Variants in ADCY8 observed in about 807,000 individuals in gnomAD.
ADCY8 encodes the protein adenylate cyclase type 8.
A neutral mutation model predicts 119.7 loss-of-function variants in ADCY8; 51 were observed. The ratio of observed to expected loss-of-function variants is 0.43; its 90% CI spans 0.34 to 0.54. The LOEUF (loss-of-function observed/expected upper bound fraction) is 0.54, where lower values mean the gene tolerates loss of function less well. Ranked by LOEUF, ADCY8 falls within the 20% of genes least tolerant of loss-of-function variation. ADCY8 has a pLI of 0.03. For synonymous variants in ADCY8, 665 were observed against 651.0 expected, an observed-to-expected ratio of 1.02 and a Z score of -0.33; for missense variants, 1,383 against 1,598.8, an observed-to-expected ratio of 0.87 and a Z score of 2.30.
chr8:130,960,455 C>T (rs371282492), intron 2 of ADCY8, among the ~76,000 whole-genome samples: 6 of 28,650 alleles, frequency 2.1e-4, no homozygotes, highest in African/African-American at 3.1e-4. Context: ...CCTATTTATC[C>T]TGGGAATATC....
At chr8:130,943,535 T>G in intron 3 of ADCY8, 73 bp from the exon 4 acceptor site, 1 of 870,276 alleles carries the variant, frequency 1.1e-6, no homozygotes, top group Non-Finnish European at 1.9e-6. Context: ...GGGATACACA[T>G]CAACACCATC....
intron 14 of ADCY8, among the ~76,000 whole-genome samples, chr8:130,809,578 T>A (rs757070768): frequency 2.2e-5 from 1 of 46,490 alleles, no homozygotes; most frequent in Non-Finnish European, 3.9e-5. Context: ...CCTCCTTGAC[T>A]GATTAACATC....
At chr8:131,022,168 C>T (rs151336963) in intron 1 of ADCY8, among the ~76,000 whole-genome samples, 1 of 152,096 alleles carries the variant, frequency 6.6e-6, no homozygotes, top group Non-Finnish European at 1.5e-5. Flanking sequence ...TACATTTGCA[C>T]AACGTGCAGT....
intron 3 of ADCY8, among the ~76,000 whole-genome samples, chr8:130,946,031 G>C (rs879578971): frequency 3.9e-5 from 6 of 152,186 alleles, no homozygotes; most frequent in African/African-American, 1.2e-4. Context: ...AGAAAGAAAA[G>C]TCATTGCTAT....
rs182967728 is a variant in ADCY8, at chr8:130,791,552, C to T, written c.3061-6077G>A. ...CCAGGGGCTGTGGCATAGGTATTTT[C>T]CTATTACAAGAAGAAAGTACCTGAG... On this transcript the variant is annotated intron_variant, in intron 15 of 17. Coordinates refer to ENST00000286355, the MANE Select transcript of ADCY8 (RefSeq NM_001115.3). 2.2e-3 allele frequency among the ~76,000 whole-genome samples: 341 copies of T among 152,384 alleles called. 2 individuals carry two copies. The highest frequency in any genetic ancestry group is 7.8e-3 in the African/African-American group (323 of 41,592).
intron 12 of ADCY8, among the ~76,000 whole-genome samples, chr8:130,830,390 C>T (rs1396980): frequency 0.18 from 26,617 of 152,024 alleles, 2,442 homozygotes; most frequent in East Asian, 0.28. Context: ...GCTTTCCCCA[C>T]ATGATATGAT....
At chr8:130,958,883 A>T (rs1821515736) in intron 2 of ADCY8, among the ~76,000 whole-genome samples, 1 of 152,018 alleles carries the variant, frequency 6.6e-6, no homozygotes, top group African/African-American at 2.4e-5. Flanking sequence ...TATCTTGTTT[A>T]TTGTCTATCT....
At chr8:130,996,200 T>C (rs1822768796) in intron 1 of ADCY8, among the ~76,000 whole-genome samples, 1 of 152,104 alleles carries the variant, frequency 6.6e-6, no homozygotes, top group African/African-American at 2.4e-5. Context: ...GGTATTTCTG[T>C]TAAAAATGCT....
At chr8:130,979,113 C>T (rs143277076) in intron 2 of ADCY8, among the ~76,000 whole-genome samples, 1 of 152,132 alleles carries the variant, frequency 6.6e-6, no homozygotes, top group African/African-American at 2.4e-5. Flanking sequence ...AAGGAGAAAG[C>T]TGGAGCCTTT....
At chr8:130,815,027 G>A (rs1586441346) in intron 13 of ADCY8, among the ~76,000 whole-genome samples, 2 of 152,160 alleles carry the variant, frequency 1.3e-5, no homozygotes, top group Admixed American at 1.3e-4. Flanking sequence ...TGTAATTAGG[G>A]TTGATGAGGT....
rs149193665 is a variant in ADCY8 at position 130,896,537 on chromosome 8, C to T, written c.1911+7235G>A. Among the ~76,000 whole-genome samples, 1,060 of 152,186 alleles carry T rather than the reference C, an allele frequency of 7.0e-3. 7 individuals are homozygous for T. The highest frequency in any genetic ancestry group is 0.011 in the Admixed American group (173 of 15,266). ...TCAAATCCCAGGGAACAATATCACT[C>T]AATAAGAGAACATAATGACCATGGT... On this transcript the variant is annotated intron_variant, in intron 7 of 17. Coordinates refer to ENST00000286355, the MANE Select transcript of ADCY8 (RefSeq NM_001115.3).
intron 11 of ADCY8, among the ~76,000 whole-genome samples, chr8:130,845,111 T>A (rs1211251963): frequency 6.6e-6 from 1 of 152,192 alleles, no homozygotes; most frequent in Non-Finnish European, 1.5e-5. Context: ...AAGGCCCTAC[T>A]TTTATCCCCG....
At chr8:130,917,454 C>G (rs1820162940) in intron 5 of ADCY8, among the ~76,000 whole-genome samples, 1 of 152,168 alleles carries the variant, frequency 6.6e-6, no homozygotes, top group Non-Finnish European at 1.5e-5. Context: ...TGCTTGCACT[C>G]CCTTCCAGTG....
At chr8:130,907,905 C>T (rs1819842969) in intron 6 of ADCY8, among the ~76,000 whole-genome samples, 1 of 152,290 alleles carries the variant, frequency 6.6e-6, no homozygotes, top group Non-Finnish European at 1.5e-5. Flanking sequence ...TCTCCCTTCT[C>T]CCTCTAGCAG....
At chr8:130,852,485 C>A (rs542320609) in intron 9 of ADCY8, among the ~76,000 whole-genome samples, 4 of 152,236 alleles carry the variant, frequency 2.6e-5, no homozygotes, top group South Asian at 2.1e-4. Context: ...GCAGGCGGAT[C>A]GCTTTGTCAG....
intron 17 of ADCY8, among the ~76,000 whole-genome samples, chr8:130,782,161 G>A (rs1449721849): frequency 6.6e-6 from 1 of 152,118 alleles, no homozygotes; most frequent in Non-Finnish European, 1.5e-5. Flanking sequence ...AGATATCTCG[G>A]TAAGATTATT....
intron 8 of ADCY8, among the ~76,000 whole-genome samples, chr8:130,884,150 A>G (rs942504376): frequency 2.0e-5 from 3 of 152,182 alleles, no homozygotes; most frequent in African/African-American, 7.2e-5. Flanking sequence ...GACAGTGTTT[A>G]TCACTGACCG....
chr8:130,832,319 A>G (rs1045964417), intron 12 of ADCY8, among the ~76,000 whole-genome samples: 3 of 152,176 alleles, frequency 2.0e-5, no homozygotes, highest in Non-Finnish European at 4.4e-5. Flanking sequence ...ATTCAGGGCC[A>G]TCCCAATGAA....
chr8:130,938,148 T>C (rs1379098961), intron 4 of ADCY8, among the ~76,000 whole-genome samples: 1 of 152,196 alleles, frequency 6.6e-6, no homozygotes, highest in African/African-American at 2.4e-5. Flanking sequence ...TCTCAGATAC[T>C]GCCTCTGTCT....
Sources: allele counts gnomAD v4.1 joint callset (sites outside exome capture counted in the v4.1 genomes callset), GRCh38; gene constraint gnomAD v4.1.1; transcripts MANE v1.5; gene names NCBI Gene and HGNC (gene_info 2026-07-23, HGNC 2026-07-21).